FAF1: variants seen among roughly 807,000 people sequenced by gnomAD.
FAF1 encodes the protein Fas associated factor 1, also known as FAS-associated factor 1.
A neutral mutation model predicts 92.5 loss-of-function variants in FAF1; 25 were observed. That is an observed-to-expected ratio of 0.27 (90% CI 0.20 to 0.38). The LOEUF (loss-of-function observed/expected upper bound fraction) is 0.38, where lower values mean the gene tolerates loss of function less well. Ranked by LOEUF, FAF1 falls within the 10% of genes least tolerant of loss-of-function variation. FAF1 has a pLI of 1.00. For missense variants in FAF1, 636 were observed against 793.3 expected, an observed-to-expected ratio of 0.80 and a Z score of 2.38; for synonymous variants, 234 against 273.2, an observed-to-expected ratio of 0.86 and a Z score of 1.42.
At chr1:50,569,888 T>C (rs901858882) in intron 12 of FAF1, among the ~76,000 whole-genome samples, 1 of 152,034 alleles carries the variant, frequency 6.6e-6, no homozygotes, top group Non-Finnish European at 1.5e-5. Flanking sequence ...GAAACTAAAC[T>C]TGGAAATCCA....
chr1:50,750,798 T>C (rs1659830936), intron 4 of FAF1, among the ~76,000 whole-genome samples: 1 of 151,640 alleles, frequency 6.6e-6, no homozygotes, highest in Non-Finnish European at 1.5e-5. Flanking sequence ...AATTTTTGTA[T>C]TTTTAGTAGA....
In FAF1 at chr1:50,437,106, G is replaced by A. The variant is rs1646135177; in HGVS notation, c.*4334C>T. 5 of 152,246 alleles carry A rather than the reference G, an allele frequency of 3.3e-5. No homozygotes were observed. The South Asian group carries it at 1.0e-3, about 32-fold the overall frequency. The allele number at this position is 152,246 out of a possible 1,614,324, so 9.4% of individuals were successfully genotyped here. ...GCAACAGTGAGGAGCTGTGTGGCCA[G>A]TTGGGGTTAAGTGTCACCTTCCAAA... On this transcript the variant is annotated 3_prime_UTR_variant, in exon 19 of 19. Coordinates refer to ENST00000396153, the MANE Select transcript of FAF1 (RefSeq NM_007051.3).
At chr1:50,654,049 G>A (rs866584950) in intron 8 of FAF1, among the ~76,000 whole-genome samples, 5 of 151,986 alleles carry the variant, frequency 3.3e-5, no homozygotes, top group South Asian at 2.1e-4. Flanking sequence ...TGTTCCAAAG[G>A]CATACTGTTT....
At chr1:50,589,385 A>G (rs1651395647) in intron 9 of FAF1, among the ~76,000 whole-genome samples, 1 of 152,074 alleles carries the variant, frequency 6.6e-6, no homozygotes, top group African/African-American at 2.4e-5. Context: ...GGAGCAGCTC[A>G]GGTGACTCCA....
chr1:50,866,436 A>G (rs1183929326), intron 1 of FAF1, among the ~76,000 whole-genome samples: 1 of 152,102 alleles, frequency 6.6e-6, no homozygotes, highest in Non-Finnish European at 1.5e-5. Flanking sequence ...TATACCTAGG[A>G]AACACTAAAG....
At chr1:50,680,785 C>T in intron 7 of FAF1, among the ~76,000 whole-genome samples, 1 of 151,988 alleles carries the variant, frequency 6.6e-6, no homozygotes, top group East Asian at 1.9e-4. Context: ...ATGTGGTAGC[C>T]CCCATAACAT....
intron 3 of FAF1, among the ~76,000 whole-genome samples, chr1:50,799,817 C>T (rs1046268669): frequency 4.1e-4 from 62 of 152,264 alleles, no homozygotes; most frequent in African/African-American, 1.3e-3. Context: ...TAACTGCCTG[C>T]ATATACCATT....
intron 18 of FAF1, among the ~76,000 whole-genome samples, chr1:50,446,979 C>CTAA (rs1646233972): frequency 6.6e-6 from 1 of 151,804 alleles, no homozygotes; most frequent in South Asian, 2.1e-4. Flanking sequence ...TGCTGGTTCC[C>CTAA]TAATAATTTT....
At chr1:50,554,099 A>G (rs1413012153) in intron 13 of FAF1, among the ~76,000 whole-genome samples, 1 of 151,068 alleles carries the variant, frequency 6.6e-6, no homozygotes, top group East Asian at 1.9e-4. Flanking sequence ...CAAAAGGTCC[A>G]TGGACTTCCC....
At chr1:50,651,112 A>G (rs537063496) in intron 8 of FAF1, among the ~76,000 whole-genome samples, 10 of 152,236 alleles carry the variant, frequency 6.6e-5, no homozygotes, top group African/African-American at 2.2e-4. Flanking sequence ...GAGACTCAAG[A>G]TTATAAAAGA....
chr1:50,585,880 T>TAA (rs958484582), intron 9 of FAF1, among the ~76,000 whole-genome samples: 1,378 of 90,620 alleles, frequency 0.015, 18 homozygotes, highest in African/African-American at 0.048. Context: ...CATCTCTACA[T>TAA]AAAAAAAAAA....
chr1:50,447,790 T>C (rs1346735440), intron 18 of FAF1, among the ~76,000 whole-genome samples: 1 of 152,222 alleles, frequency 6.6e-6, no homozygotes, highest in African/African-American at 2.4e-5. Context: ...CTCCAAGCTT[T>C]AGGAAATCCA....
chr1:50,555,146 C>A (rs1649507981), intron 13 of FAF1, among the ~76,000 whole-genome samples: 1 of 151,814 alleles, frequency 6.6e-6, no homozygotes, highest in Admixed American at 6.6e-5. Flanking sequence ...TCACTTGAGC[C>A]CAGGTGGTCG....
At chr1:50,712,087 T>C (rs534563175) in intron 6 of FAF1, among the ~76,000 whole-genome samples, 13 of 152,308 alleles carry the variant, frequency 8.5e-5, no homozygotes, top group African/African-American at 2.4e-5. Flanking sequence ...AACACTCTTA[T>C]GATTGGACCT....
At chr1:50,769,586 C>T (rs1660704852) in intron 4 of FAF1, among the ~76,000 whole-genome samples, 2 of 152,204 alleles carry the variant, frequency 1.3e-5, no homozygotes, top group South Asian at 2.1e-4. Context: ...CATCCAAAAG[C>T]TAATCCTTCA....
intron 1 of FAF1, among the ~76,000 whole-genome samples, chr1:50,888,583 G>A (rs1202637244): frequency 2.6e-5 from 4 of 152,150 alleles, no homozygotes; most frequent in African/African-American, 9.7e-5. Context: ...TTTTTAGCAT[G>A]AAGGGCTGTA....
At chr1:50,605,972 C>A (rs1342143691) in intron 8 of FAF1, among the ~76,000 whole-genome samples, 1 of 152,168 alleles carries the variant, frequency 6.6e-6, no homozygotes, top group Middle Eastern at 3.2e-3. Context: ...CTCAGGAAAG[C>A]TGCTTATCTC....
rs1157411158 is a variant in FAF1, at chr1:50,738,952, C to A, written c.462G>T (p.Thr154=). Residue 154 remains threonine, a splice_region_variant and synonymous_variant, in exon 6 of 19, where the codon ACG becomes ACT. Coordinates refer to ENST00000396153, the MANE Select transcript of FAF1 (RefSeq NM_007051.3). The part of the protein sequence containing the change: ...GWKTGDVEDS[T]VLKSLHLPKN... ...TTGGCAAGTGTAGAGATTTTAGGAC[C>A]GTCTGAAAAAGAAAAAACACAGCAA... 1.3e-6 allele frequency: 2 copies of A among 1,571,282 alleles called. No homozygotes were observed. The highest frequency in any genetic ancestry group is 1.7e-6 in the Non-Finnish European group (2 of 1,156,740).
At position 50,784,734 on chromosome 1, in the gene FAF1, A is replaced by C. The variant is rs1490033140; in HGVS notation, c.367+3266T>G. Among the ~76,000 whole-genome samples the C allele has an allele frequency of 2.0e-5, 3 of 152,192 alleles. No individual in the cohort carries two copies. The East Asian group carries it at 5.8e-4, about 29-fold the overall frequency. ...AGGAACTCCAAACACAATTGTGAGA[A>C]AGAAGAACAAAGCTGGAGGCCTCCT... On this transcript the variant is annotated intron_variant, in intron 4 of 18. Coordinates refer to ENST00000396153, the MANE Select transcript of FAF1 (RefSeq NM_007051.3).
Sources: allele counts gnomAD v4.1 joint callset (sites outside exome capture counted in the v4.1 genomes callset), GRCh38; gene constraint gnomAD v4.1.1; transcripts MANE v1.5; gene names NCBI Gene and HGNC (gene_info 2026-07-23, HGNC 2026-07-21).